BMPR2: variants seen among roughly 807,000 people sequenced by gnomAD.
The protein encoded by BMPR2 is bone morphogenetic protein receptor type 2.
Under a neutral mutation model 100.8 loss-of-function variants are expected in BMPR2, and 29 were observed. The ratio of observed to expected loss-of-function variants is 0.29; its 90% confidence interval spans 0.21 to 0.39. The LOEUF (loss-of-function observed/expected upper bound fraction) is 0.39. Ranked by LOEUF, BMPR2 falls within the 10% of genes least tolerant of loss-of-function variation. The pLI, the probability that BMPR2 is intolerant of heterozygous loss-of-function variation, is 1.00. For missense variants in BMPR2, 1,011 were observed against 1,274.5 expected (o/e 0.79, Z 3.15); for synonymous variants, 382 against 442.3 (o/e 0.86, Z 1.71).
At position 202,464,888 on chromosome 2, in the gene BMPR2, T is replaced by G; in HGVS notation, c.156T>G (p.Ser52=). Residue 52 remains serine (S), a synonymous_variant, in exon 2 of 13, where the codon TCT becomes TCG. Transcript: ENST00000374580. ...TTGGGATAGGTGAGAGTAGAATCTC[T>G]CATGAAAATGGGACAATATTATGCT... The part of the protein sequence containing the change: ...QDLGIGESRI[S]HENGTILCSK... 6.2e-7 allele frequency: 1 copy of G among 1,614,158 alleles called. No homozygotes were observed. The highest frequency in any genetic ancestry group is 8.5e-7 in the Non-Finnish European group (1 of 1,180,010).
intron 3 of BMPR2, among the ~76,000 whole-genome samples, chr2:202,473,121 A>G (rs1268228400): frequency 6.6e-6 from 1 of 152,132 alleles, no homozygotes; most frequent in Non-Finnish European, 1.5e-5. Context: ...AATAAATAGA[A>G]AGTTTGGTGA....
intron 1 of BMPR2, among the ~76,000 whole-genome samples, chr2:202,449,214 A>G (rs1454779238): frequency 6.6e-6 from 1 of 152,004 alleles, no homozygotes; most frequent in East Asian, 1.9e-4. Context: ...AGGCTGAGGC[A>G]GGAGAATCGC....
rs1482137758 is a variant in BMPR2 at position 202,412,113 on chromosome 2, A to AT, written c.76+34569dup. Among the ~76,000 whole-genome samples, 13 of 152,092 alleles carry AT rather than the reference A, an allele frequency of 8.5e-5. 1 individual carries two copies. Among genetic ancestry groups the AT allele is most frequent in the South Asian group, 8.3e-4 (4 of 4,828 alleles). On this transcript the variant is annotated intron_variant, in intron 1 of 12. Transcript: ENST00000374580. ...TACAAAAACTCTATACTATTTTTGC[A>AT]TTTTTTCTGTAAGTTTAAAACATTT... is the stretch of plus-strand genomic sequence containing the variant.
At chr2:202,542,106 G>A (rs1413591647) in intron 9 of BMPR2, among the ~76,000 whole-genome samples, 8 of 148,004 alleles carry the variant, frequency 5.4e-5, no homozygotes, top group African/African-American at 5.0e-5. Context: ...GTAAGACTCC[G>A]TCTAAAAAAA....
At chr2:202,391,817 A>G (rs1690554798) in intron 1 of BMPR2, among the ~76,000 whole-genome samples, 1 of 151,310 alleles carries the variant, frequency 6.6e-6, no homozygotes, top group Non-Finnish European at 1.5e-5. Context: ...GCTGGAGTGC[A>G]GTGGCGCAAT....
Position 202,555,287 on chromosome 2 carries a change from G to C in BMPR2, c.1622G>C (p.Gly541Ala). 6.2e-7 allele frequency: 1 copy of C among 1,614,016 alleles called. No individual in the cohort carries two copies. Among genetic ancestry groups the C allele is most frequent in the East Asian group, 2.2e-5 (1 of 44,884 alleles). The change falls in exon 12 of 13, where the codon GGT (glycine) becomes GCT (alanine). Residue 541 changes from glycine (G) to alanine (A), a missense_variant. Physicochemically the swap from Gly to Ala is moderately conservative, Grantham distance 60 (BLOSUM62 0). Around this residue, in one of 6 missense-constraint regions of BMPR2, gnomAD observed 508 missense variants for 552.0 expected, o/e 0.92. Coordinates refer to ENST00000374580, the MANE Select transcript of BMPR2 (RefSeq NM_001204.7). ...CATAATAGGCGTGTGCCAAAAATTGGTCCTTATCCAGATTATTCTTCCTCC... is the reference window on the plus strand; with the variant it reads ...CATAATAGGCGTGTGCCAAAAATTGCTCCTTATCCAGATTATTCTTCCTCC... The part of the protein sequence containing the change: ...LSHNRRVPKI[G>A]PYPDYSSSSY...
rs1180466902 is a variant in BMPR2, at chr2:202,376,712, C to T, written c.-763C>T. On this transcript the variant is annotated 5_prime_UTR_variant, in exon 1 of 13. Transcript: ENST00000374580. ...CCGGGAGGACTAGAAGGGGCAGCCT[C>T]TCACACCCACTCCGCCTGCCGTCTC... 6.6e-6 allele frequency among the ~76,000 whole-genome samples: 1 copy of T among 150,570 alleles called. No individual in the cohort carries two copies. The highest frequency in any genetic ancestry group is 2.4e-5 in the African/African-American group (1 of 41,010).
At chr2:202,455,862 G>A (rs888924307) in intron 1 of BMPR2, among the ~76,000 whole-genome samples, 2 of 151,454 alleles carry the variant, frequency 1.3e-5, no homozygotes, top group African/African-American at 4.9e-5. Flanking sequence ...TCAGGAGATC[G>A]AGACCATTCT....
chr2:202,538,480 A>C (rs897024682), intron 9 of BMPR2, among the ~76,000 whole-genome samples: 1 of 150,604 alleles, frequency 6.6e-6, no homozygotes, highest in African/African-American at 2.4e-5. Context: ...AGAAGGAACT[A>C]TTCAGAGGTC....
intron 12 of BMPR2, among the ~76,000 whole-genome samples, chr2:202,558,433 C>T (rs1412432398): frequency 6.6e-6 from 1 of 151,938 alleles, no homozygotes; most frequent in Non-Finnish European, 1.5e-5. Context: ...TAGACTAAGG[C>T]ATTTATGAAA....
intron 1 of BMPR2, among the ~76,000 whole-genome samples, chr2:202,426,332 G>A (rs1287868892): frequency 6.6e-6 from 1 of 152,086 alleles, no homozygotes; most frequent in Admixed American, 6.6e-5. Flanking sequence ...TGTAATCCCA[G>A]CACTTTGGGA....
At chr2:202,491,607 G>A (rs567842916) in intron 3 of BMPR2, among the ~76,000 whole-genome samples, 5 of 151,804 alleles carry the variant, frequency 3.3e-5, no homozygotes, top group Middle Eastern at 3.4e-3. Flanking sequence ...TATTTTTAGC[G>A]GAGACCAGGT....
At chr2:202,387,729 AT>A (rs1295928245) in intron 1 of BMPR2, among the ~76,000 whole-genome samples, 1 of 152,212 alleles carries the variant, frequency 6.6e-6, no homozygotes, top group African/African-American at 2.4e-5. Context: ...CACCAGTTAG[AT>A]TAGAAGAGTG....
intron 1 of BMPR2, among the ~76,000 whole-genome samples, chr2:202,422,546 C>G (rs1236787492): frequency 6.6e-6 from 1 of 151,352 alleles, no homozygotes; most frequent in Non-Finnish European, 1.5e-5. Context: ...GACCTCATGA[C>G]CCGCCTGCCT....
intron 1 of BMPR2, among the ~76,000 whole-genome samples, chr2:202,428,285 C>A (rs895542535): frequency 2.6e-5 from 4 of 152,082 alleles, no homozygotes; most frequent in Non-Finnish European, 5.9e-5. Flanking sequence ...CAGTCTCTCT[C>A]CCTTGTCATA....
chr2:202,434,894 AAAAAAAAAAAAAAAATATATAT>A (rs1334302005), intron 1 of BMPR2, among the ~76,000 whole-genome samples: 2 of 64,382 alleles, frequency 3.1e-5, no homozygotes, highest in African/African-American at 1.3e-4. Context: ...AAAAAAAAAA[AAAAAAAAAAAAAAAATATATAT>A]ATATATATAT....
intron 1 of BMPR2, among the ~76,000 whole-genome samples, chr2:202,379,866 CT>C (rs953107670): frequency 6.7e-6 from 1 of 149,654 alleles, no homozygotes; most frequent in African/African-American, 2.5e-5. Flanking sequence ...TTCTTTCTTT[CT>C]TTTTTGTTCA....
chr2:202,508,005 T>A (rs1687556815), intron 3 of BMPR2, among the ~76,000 whole-genome samples: 2 of 151,312 alleles, frequency 1.3e-5, no homozygotes, highest in African/African-American at 4.9e-5. Context: ...TGTCCCCTTT[T>A]ACACATTTTA....
At chr2:202,386,955 T>A (rs559125256) in intron 1 of BMPR2, among the ~76,000 whole-genome samples, 14 of 152,308 alleles carry the variant, frequency 9.2e-5, no homozygotes, top group Admixed American at 7.9e-4. Context: ...AGTGCTAGGA[T>A]TACAGGTGTG....
Sources: gnomAD v4.1 joint callset for allele counts (sites outside exome capture counted in the v4.1 genomes callset) on GRCh38, gnomAD v4.1.1 for gene constraint, gnomAD v4.1.1 regional missense constraint, MANE v1.5 for transcripts, NCBI Gene and HGNC (gene_info 2026-07-23, HGNC 2026-07-21) for gene names.